NEDD4: variants seen among roughly 807,000 people sequenced by gnomAD.
NEDD4 encodes NEDD4 E3 ubiquitin protein ligase, also known as E3 ubiquitin-protein ligase NEDD4.
A neutral mutation model predicts 144.9 loss-of-function variants in NEDD4; 99 were observed. The ratio of observed to expected loss-of-function variants is 0.68; its 90% CI spans 0.58 to 0.81. NEDD4 has a LOEUF of 0.81. NEDD4 is among the 30% of genes least tolerant of loss of function. The probability of loss-of-function intolerance (pLI) is 0.00; values close to 1 mark genes in which losing one functional copy is unlikely to be tolerated. For synonymous variants in NEDD4, 318 were observed against 350.6 expected (o/e 0.91, Z 1.04); for missense variants, 985 against 1,065.9 (o/e 0.92, Z 1.06).
At chr15:55,971,216 G>A (rs1038610630) in intron 1 of NEDD4, among the ~76,000 whole-genome samples, 5 of 152,096 alleles carry the variant, frequency 3.3e-5, no homozygotes, top group South Asian at 2.1e-4. Flanking sequence ...AAGAATTAGC[G>A]AGCTTGAAGA....
In NEDD4 at chr15:55,841,838, T is replaced by A. The variant is rs1035594504; in HGVS notation, c.1838+96A>T. ...CGCCCGCCTCGGCCTCCCAAAGTGC[T>A]GGGATTACAGGCATGAGCCACTGCA... On this transcript the variant is annotated intron_variant, in intron 19 of 28. Transcript: ENST00000435532. 3.0e-6 allele frequency: 3 copies of A among 1,002,426 alleles called. No homozygotes were observed. In the African/African-American group the frequency reaches 4.8e-5, roughly 16 times the overall value. The allele number at this position is 1,002,426 out of a possible 1,614,324, so 62.1% of individuals were successfully genotyped here.
chr15:55,853,822 C>T (rs758543908), intron 12 of NEDD4, among the ~76,000 whole-genome samples: 5 of 152,122 alleles, frequency 3.3e-5, no homozygotes, highest in Admixed American at 6.5e-5. Context: ...AAACTTGTCT[C>T]TACTAAAAGT....
chr15:55,910,272 T>G (rs1186630069), intron 5 of NEDD4, among the ~76,000 whole-genome samples: 4 of 152,164 alleles, frequency 2.6e-5, no homozygotes, highest in African/African-American at 9.7e-5. Flanking sequence ...ACCTGTTTGA[T>G]TCTTTCTTCA....
intron 5 of NEDD4, chr15:55,917,187 G>A: frequency 9.9e-7 from 1 of 1,009,430 alleles, no homozygotes; most frequent in Non-Finnish European, 1.2e-6. Flanking sequence ...CAATTTGCAT[G>A]AATGAGTAAC....
At chr15:55,859,971 C>A (rs1184555238) in intron 11 of NEDD4, among the ~76,000 whole-genome samples, 3 of 152,154 alleles carry the variant, frequency 2.0e-5, no homozygotes, top group African/African-American at 7.2e-5. Flanking sequence ...GATACAAAAT[C>A]ATAGAATTAT....
At chr15:55,958,376 T>C (rs2037373067) in intron 2 of NEDD4, among the ~76,000 whole-genome samples, 1 of 152,136 alleles carries the variant, frequency 6.6e-6, no homozygotes, top group African/African-American at 2.4e-5. Context: ...GTAGGAAAAA[T>C]CCTAAGTGGT....
In NEDD4 at chr15:55,838,524, T is replaced by A; in HGVS notation, c.2112A>T (p.Glu704Asp). The change falls in exon 22 of 29, where the codon GAA (glutamate) becomes GAT (aspartate). Residue 704 changes from glutamate to aspartate, a missense_variant. By Grantham distance (45) the Glu-to-Asp change is conservative. Coordinates refer to ENST00000435532, the MANE Select transcript of NEDD4 (RefSeq NM_006154.4). ...TELDLRFIID[E>D]ELFGQTHQHE... ...ATTCACAAACCTGTCCAAAAAGTTC[T>A]TCATCTATGATAAACCTGAGGTCCA... is the stretch of plus-strand genomic sequence containing the variant. The A allele has an allele frequency of 6.2e-7, 1 of 1,611,904 alleles. No homozygotes were observed. Among genetic ancestry groups the A allele is most frequent in the Non-Finnish European group, 8.5e-7 (1 of 1,178,698 alleles).
chr15:55,951,715 A>T, intron 2 of NEDD4, 126 bp from the exon 3 acceptor site: 1 of 722,020 alleles, frequency 1.4e-6, no homozygotes, highest in Non-Finnish European at 2.0e-6. Flanking sequence ...TCCTGAATTT[A>T]AAAGTCAGGA....
At chr15:55,915,730 T>G in intron 5 of NEDD4, 1 of 1,613,982 alleles carries the variant, frequency 6.2e-7, no homozygotes, top group African/African-American at 1.3e-5. Flanking sequence ...TCAGATGACT[T>G]TTCACAGACA....
At chr15:55,973,366 C>T (rs1318941269) in intron 1 of NEDD4, among the ~76,000 whole-genome samples, 10 of 151,948 alleles carry the variant, frequency 6.6e-5, no homozygotes, top group Non-Finnish European at 1.3e-4. Context: ...CAGTCAGGCC[C>T]TATCTCTTAA....
intron 4 of NEDD4, among the ~76,000 whole-genome samples, chr15:55,927,538 C>T (rs1366892214): frequency 1.3e-5 from 2 of 152,094 alleles, no homozygotes; most frequent in Admixed American, 6.6e-5. Flanking sequence ...CTCAAGTGTT[C>T]CTCCCGTCAT....
chr15:55,871,285 C>T (rs1320158167), intron 7 of NEDD4, among the ~76,000 whole-genome samples: 1 of 152,176 alleles, frequency 6.6e-6, no homozygotes, highest in African/African-American at 2.4e-5. Flanking sequence ...CATGTCTTTT[C>T]AATTGGAAAA....
At chr15:55,860,847 G>A (rs1355988806) in intron 9 of NEDD4, 69 bp from the exon 10 acceptor site, 3 of 1,360,312 alleles carry the variant, frequency 2.2e-6, no homozygotes, top group East Asian at 2.3e-5. Flanking sequence ...AAGATTCTGT[G>A]ATCATTGGGA....
At position 55,967,499 on chromosome 15, in the gene NEDD4, G is replaced by A. The variant is rs1040668048; in HGVS notation, c.46-953C>T. 2.0e-5 allele frequency among the ~76,000 whole-genome samples: 3 copies of A among 150,272 alleles called. No homozygotes were observed. The South Asian group carries it at 6.3e-4, about 32-fold the overall frequency. On this transcript the variant is annotated intron_variant, in intron 1 of 28. Transcript: ENST00000435532. ...GTATGTGTGTGTATACAAATAAAGG[G>A]GAATAAGCGAAACGTTACCAATTTG... is the stretch of plus-strand genomic sequence containing the variant.
At chr15:55,839,965 C>G (rs1480475778) in intron 21 of NEDD4, among the ~76,000 whole-genome samples, 1 of 68,290 alleles carries the variant, frequency 1.5e-5, no homozygotes, top group Non-Finnish European at 2.5e-5. Flanking sequence ...CAGAGTGACA[C>G]TCTGTCTCAA....
chr15:55,929,071 C>G (rs1457073081), intron 4 of NEDD4, among the ~76,000 whole-genome samples: 1 of 152,014 alleles, frequency 6.6e-6, no homozygotes, highest in African/African-American at 2.4e-5. Context: ...TCAACAGTTA[C>G]CTAGCAGACA....
At chr15:55,960,880 CTG>C (rs1438388581) in intron 2 of NEDD4, among the ~76,000 whole-genome samples, 1 of 152,226 alleles carries the variant, frequency 6.6e-6, no homozygotes, top group Non-Finnish European at 1.5e-5. Flanking sequence ...CACTAGTTGA[CTG>C]TGCATGTCCT....
At chr15:55,864,154 A>C (rs1275175891) in intron 8 of NEDD4, among the ~76,000 whole-genome samples, 1 of 152,222 alleles carries the variant, frequency 6.6e-6, no homozygotes, top group Non-Finnish European at 1.5e-5. Flanking sequence ...ACAAAAGAAA[A>C]GGCAGTAGGT....
At chr15:55,847,243 A>ATGGCTG (rs1301439062) in intron 17 of NEDD4, among the ~76,000 whole-genome samples, 1 of 152,230 alleles carries the variant, frequency 6.6e-6, no homozygotes, top group Non-Finnish European at 1.5e-5. Flanking sequence ...AGCAATTCCT[A>ATGGCTG]TGGCTGTAAT....
Sources: gnomAD v4.1 joint callset for allele counts (sites outside exome capture counted in the v4.1 genomes callset) on GRCh38, gnomAD v4.1.1 for gene constraint, MANE v1.5 for transcripts, NCBI Gene and HGNC (gene_info 2026-07-23, HGNC 2026-07-21) for gene names.